The following PCDH11X variants were observed in gnomAD, a reference collection of about 807,000 sequenced individuals.
PCDH11X encodes protocadherin-11 X-linked.
A neutral mutation model predicts 53.3 loss-of-function variants in PCDH11X; 18 were observed. The observed-to-expected ratio is 0.34, with a 90% CI of 0.23 to 0.50. PCDH11X has a LOEUF of 0.50. Ranked by LOEUF, PCDH11X falls within the 20% of genes least tolerant of loss-of-function variation. PCDH11X has a pLI of 0.98. For missense variants in PCDH11X, 570 were observed against 1,032.4 expected, an observed-to-expected ratio of 0.55 and a Z score of 6.14; for synonymous variants, 279 against 393.3, an observed-to-expected ratio of 0.71 and a Z score of 3.44.
chrX:91,926,932 A>T (rs1266910906), intron 6 of PCDH11X, among the ~76,000 whole-genome samples: 4 of 111,037 alleles, frequency 3.6e-5, no homozygotes, highest in Non-Finnish European at 7.6e-5. Flanking sequence ...GTAATTTTGT[A>T]ACCTCTAACC....
intron 7 of PCDH11X, among the ~76,000 whole-genome samples, chrX:92,223,662 C>A (rs1205601890): frequency 8.9e-6 from 1 of 111,900 alleles, no homozygotes; most frequent in African/African-American, 3.2e-5. Flanking sequence ...GACTGACTCA[C>A]TATGTAATTT....
chrX:92,571,026 G>A (rs1468832069), intron 10 of PCDH11X, among the ~76,000 whole-genome samples: 6 of 112,019 alleles, frequency 5.4e-5, no homozygotes, highest in Non-Finnish European at 1.1e-4. Context: ...TCTTTGACGA[G>A]TTTTTATAAT....
intron 5 of PCDH11X, among the ~76,000 whole-genome samples, chrX:91,846,893 A>G (rs1451669361): frequency 1.8e-5 from 2 of 111,445 alleles, no homozygotes; most frequent in East Asian, 2.8e-4. Context: ...GCATAACTCT[A>G]TGCTTTCCTA....
In PCDH11X at chrX:92,135,397, A is replaced by G. The variant is rs1266825284; in HGVS notation, c.3034-65978A>G. On this transcript the variant is annotated intron_variant, in intron 6 of 10. Coordinates refer to ENST00000682573, the MANE Select transcript of PCDH11X (RefSeq NM_032968.5). ...AAATGAATATCCCATCCAGGAATGA[A>G]TAATTTCTTCAAGTATAGTAACAGC... 3.6e-5 allele frequency among the ~76,000 whole-genome samples: 4 copies of G among 111,010 alleles called. No individual in the cohort carries two copies. The East Asian group carries it at 1.1e-3, about 32-fold the overall frequency.
At chrX:92,289,478 C>T (rs2068449219) in intron 8 of PCDH11X, among the ~76,000 whole-genome samples, 1 of 111,839 alleles carries the variant, frequency 8.9e-6, no homozygotes, top group African/African-American at 3.2e-5. Flanking sequence ...TTTATTTCAG[C>T]TTTCACTTAT....
chrX:92,032,508 C>G (rs1268220227), intron 6 of PCDH11X, among the ~76,000 whole-genome samples: 1 of 110,568 alleles, frequency 9.0e-6, no homozygotes, highest in Non-Finnish European at 1.9e-5. Flanking sequence ...CTAGGACTTT[C>G]AGTGCTATGT....
chrX:92,113,609 C>T, intron 6 of PCDH11X: 4 of 1,198,307 alleles, frequency 3.3e-6, no homozygotes, highest in Non-Finnish European at 4.5e-6. Flanking sequence ...AGCCAGTCCA[C>T]CTTCCTCCGG....
intron 6 of PCDH11X, among the ~76,000 whole-genome samples, chrX:92,070,790 C>T (rs4893300): frequency 0.068 from 7,494 of 110,082 alleles, 426 homozygotes; most frequent in East Asian, 0.43. Flanking sequence ...CTCTTTAAGG[C>T]CAGTAACTCT....
At chrX:92,590,394 TC>T (rs1924912697) in intron 10 of PCDH11X, among the ~76,000 whole-genome samples, 1 of 110,868 alleles carries the variant, frequency 9.0e-6, no homozygotes, top group Non-Finnish European at 1.9e-5. Context: ...AGTTTGTTAG[TC>T]CCCCCACCAG....
At chrX:92,061,788 TTTTGTTTG>T (rs745394870) in intron 6 of PCDH11X, among the ~76,000 whole-genome samples, 2 of 111,456 alleles carry the variant, frequency 1.8e-5, no homozygotes, top group Non-Finnish European at 3.8e-5. Flanking sequence ...GGGTTGATTT[TTTTGTTTG>T]TTTGTTTGTT....
intron 7 of PCDH11X, among the ~76,000 whole-genome samples, chrX:92,218,998 A>T (rs1363486808): frequency 9.2e-6 from 1 of 108,325 alleles, no homozygotes; most frequent in Non-Finnish European, 1.9e-5. Flanking sequence ...ATTCAACAAC[A>T]CTTCATGCTA....
intron 8 of PCDH11X, among the ~76,000 whole-genome samples, chrX:92,342,094 C>T (rs2069776006): frequency 9.0e-6 from 1 of 111,378 alleles, no homozygotes; most frequent in Non-Finnish European, 1.9e-5. Context: ...AAATACTCAA[C>T]GTCAGTAGTC....
At chrX:92,379,437 G>A (rs2070823129) in intron 8 of PCDH11X, among the ~76,000 whole-genome samples, 2 of 113,163 alleles carry the variant, frequency 1.8e-5, no homozygotes, top group African/African-American at 6.4e-5. Flanking sequence ...GGGAAGCAGA[G>A]GGGGTGCTGA....
intron 4 of PCDH11X, among the ~76,000 whole-genome samples, chrX:91,826,327 C>G (rs1226672815): frequency 9.0e-6 from 1 of 111,194 alleles, no homozygotes; most frequent in Non-Finnish European, 1.9e-5. Context: ...GATGCTATTC[C>G]TTCCTGAAAA....
At chrX:91,859,344 T>C (rs1219533219) in intron 5 of PCDH11X, among the ~76,000 whole-genome samples, 3 of 109,517 alleles carry the variant, frequency 2.7e-5, no homozygotes, top group African/African-American at 1.0e-4. Flanking sequence ...TTAAGTTCCT[T>C]ATAGATTCTG....
At chrX:92,519,812 C>T (rs1286409407) in intron 10 of PCDH11X, among the ~76,000 whole-genome samples, 3 of 105,576 alleles carry the variant, frequency 2.8e-5, no homozygotes, top group Admixed American at 2.1e-4. Flanking sequence ...ATAGTAAAAG[C>T]CCCCAAAAAC....
At chrX:92,183,216 C>A (rs765294569) in intron 6 of PCDH11X, among the ~76,000 whole-genome samples, 3 of 108,742 alleles carry the variant, frequency 2.8e-5, no homozygotes, top group African/African-American at 1.0e-4. Context: ...TGCCATTGTC[C>A]TCCAATCTAT....
intron 6 of PCDH11X, among the ~76,000 whole-genome samples, chrX:92,053,528 A>G (rs1249518072): frequency 9.5e-6 from 1 of 105,137 alleles, no homozygotes; most frequent in African/African-American, 3.5e-5. Context: ...CTATGTTTCA[A>G]ATAAGGAAAA....
At chrX:92,571,978 T>C (rs1461079465) in intron 10 of PCDH11X, among the ~76,000 whole-genome samples, 2 of 112,167 alleles carry the variant, frequency 1.8e-5, no homozygotes, top group African/African-American at 6.5e-5. Flanking sequence ...CTGTGTTTGA[T>C]ATGTGGAAAA....
Sources: gnomAD v4.1 joint callset for allele counts (sites outside exome capture counted in the v4.1 genomes callset) on GRCh38, gnomAD v4.1.1 for gene constraint, MANE v1.5 for transcripts, NCBI Gene and HGNC (gene_info 2026-07-23, HGNC 2026-07-21) for gene names.